PIEZO2: variants seen among roughly 807,000 people sequenced by gnomAD.
The protein encoded by PIEZO2 is piezo type mechanosensitive ion channel component 2.
A neutral mutation model predicts 337.3 loss-of-function variants in PIEZO2; 172 were observed. The observed-to-expected ratio is 0.51, with a 90% CI of 0.45 to 0.58. The LOEUF is 0.58. Ranked by LOEUF, PIEZO2 falls within the 20% of genes least tolerant of loss-of-function variation. PIEZO2 has a pLI of 0.00. For missense variants in PIEZO2, 3,028 were observed against 3,391.3 expected (o/e 0.89, Z 2.66); for synonymous variants, 1,251 against 1,228.5 (o/e 1.02, Z -0.38).
chr18:10,848,001 T>C (rs979988936), intron 7 of PIEZO2, among the ~76,000 whole-genome samples: 2 of 152,240 alleles, frequency 1.3e-5, no homozygotes, highest in Non-Finnish European at 2.9e-5. Flanking sequence ...TTTTGCCAAC[T>C]GGTCTCCATT....
At chr18:10,889,719 T>C (rs1054013119) in intron 4 of PIEZO2, among the ~76,000 whole-genome samples, 1 of 152,156 alleles carries the variant, frequency 6.6e-6, no homozygotes, top group Non-Finnish European at 1.5e-5. Context: ...CTTTACACAG[T>C]GGATGACAGA....
At chr18:10,738,453 G>A (rs887825940) in intron 33 of PIEZO2, 1 of 152,116 alleles carries the variant, frequency 6.6e-6, no homozygotes, top group Non-Finnish European at 1.5e-5. Flanking sequence ...ATATTTATGT[G>A]AGCTAGTGGA....
In PIEZO2 at chr18:10,731,529, G is replaced by A; in HGVS notation, c.4915-8C>T. 6.7e-7 allele frequency: 1 copy of A among 1,488,386 alleles called. No homozygotes were observed. 92.2% of individuals were successfully genotyped at this position (1,488,386 alleles called of 1,614,324 possible). On this transcript the variant is annotated splice_region_variant and splice_polypyrimidine_tract_variant and intron_variant, in intron 35 of 55. Transcript: ENST00000674853. ...CCAGGCTTGATAAACAAACTGAAGGGAGAAAGTTCAATTATTTTCTGGCCT... is the reference window on the plus strand; with the variant it reads ...CCAGGCTTGATAAACAAACTGAAGGAAGAAAGTTCAATTATTTTCTGGCCT...
rs893656874 is a variant in PIEZO2, at chr18:10,872,012, G to A, written c.330-597C>T. Among the ~76,000 whole-genome samples, 1 of 152,148 alleles carries A rather than the reference G, an allele frequency of 6.6e-6. No homozygotes were observed. Among genetic ancestry groups the A allele is most frequent in the Non-Finnish European group, 1.5e-5 (1 of 68,018 alleles). Reference sequence around the variant, plus strand: ...TGAAACTTAGTAGTTGCATCCTGCTGGGGGCTTCTCACAGCCATCTGTTCT... The same window carrying A: ...TGAAACTTAGTAGTTGCATCCTGCTAGGGGCTTCTCACAGCCATCTGTTCT... On this transcript the variant is annotated intron_variant, in intron 4 of 55. Coordinates refer to ENST00000674853, the MANE Select transcript of PIEZO2 (RefSeq NM_001378183.1). The surrounding 1 kb of genome is among the most constrained non-coding windows in gnomAD (Gnocchi z 4.3).
intron 2 of PIEZO2, among the ~76,000 whole-genome samples, chr18:11,060,204 A>T (rs1338384440): frequency 6.6e-6 from 1 of 152,212 alleles, no homozygotes; most frequent in African/African-American, 2.4e-5. Context: ...GTTCTTTGAA[A>T]CCAACGAGAA....
chr18:10,969,974 A>T lies in PIEZO2; in HGVS notation c.286+9561T>A, dbSNP rs2034168765. Among the ~76,000 whole-genome samples, 2 of 151,924 alleles carry T rather than the reference A, an allele frequency of 1.3e-5. No homozygotes were observed. On this transcript the variant is annotated intron_variant, in intron 3 of 55. Coordinates refer to ENST00000674853, the MANE Select transcript of PIEZO2 (RefSeq NM_001378183.1). This position sits in a 1 kb window ranked among gnomAD's most constrained non-coding sequence, Gnocchi z 4.5. ...ATTGTTGGGCAGTATGCTATACATC[A>T]GCCACTGTGGTCAGTGCTCAGGTTA...
At chr18:10,694,464 CAG>C (rs1275657377) in intron 47 of PIEZO2, among the ~76,000 whole-genome samples, 3 of 152,144 alleles carry the variant, frequency 2.0e-5, no homozygotes, top group Non-Finnish European at 4.4e-5. Flanking sequence ...ACAAATGACT[CAG>C]AGGTGTGATC....
At chr18:11,014,177 T>C (rs1243895191) in intron 2 of PIEZO2, among the ~76,000 whole-genome samples, 1 of 152,008 alleles carries the variant, frequency 6.6e-6, no homozygotes, top group Non-Finnish European at 1.5e-5. Flanking sequence ...CATTCCTTAG[T>C]GGCGGGCACG....
chr18:11,096,567 A>G lies in PIEZO2; in HGVS notation c.65-30345T>C, dbSNP rs1053347168. On this transcript the variant is annotated intron_variant, in intron 1 of 55. Coordinates refer to ENST00000674853, the MANE Select transcript of PIEZO2 (RefSeq NM_001378183.1). This position sits in a 1 kb window ranked among gnomAD's most constrained non-coding sequence, Gnocchi z 4.6. ...CCATTCCCAGTTCTTTTCTGCAGGG[A>G]TTTCCAAGAGAAACAGGAAGTGGTT... Among the ~76,000 whole-genome samples, 2 of 152,088 alleles carry G rather than the reference A, an allele frequency of 1.3e-5. No individual in the cohort carries two copies. Among genetic ancestry groups the G allele is most frequent in the Non-Finnish European group, 2.9e-5 (2 of 68,028 alleles).
At chr18:10,915,755 G>C (rs1044174914) in intron 3 of PIEZO2, among the ~76,000 whole-genome samples, 15 of 152,102 alleles carry the variant, frequency 9.9e-5, no homozygotes, top group African/African-American at 3.1e-4. Flanking sequence ...CCATTGGATC[G>C]TCTCATCTTG....
In PIEZO2 at chr18:10,791,469, G is replaced by C. The variant is rs1042039193; in HGVS notation, c.1759-145C>G. On this transcript the variant is annotated intron_variant, in intron 13 of 55. Coordinates refer to ENST00000674853, the MANE Select transcript of PIEZO2 (RefSeq NM_001378183.1). ...GGAGACAGAGTCAGGTCACCTGCTT[G>C]ACTTCAGCTGAGATTCACTGCTTTT... is the stretch of plus-strand genomic sequence containing the variant. The C allele has an allele frequency of 6.9e-6, 6 of 864,196 alleles. No individual in the cohort carries two copies. In the Admixed American group the frequency reaches 1.2e-4, roughly 18 times the overall value. 53.5% of individuals were successfully genotyped at this position (864,196 alleles called of 1,614,324 possible). A position where few individuals can be genotyped will look rare whatever the true frequency, so the allele number is the denominator to read the frequency against.
At chr18:11,114,105 T>C (rs1043840624) in intron 1 of PIEZO2, among the ~76,000 whole-genome samples, 8 of 152,220 alleles carry the variant, frequency 5.3e-5, no homozygotes, top group Admixed American at 4.6e-4. Context: ...TTATAATAAG[T>C]CATTACACTA....
rs1241241514 is a variant in PIEZO2, at chr18:10,783,553, G to A, written c.2492+1231C>T. Reference sequence around the variant, plus strand: ...TCCTAATGCTTGATCATCACTGAAGGTAGCAGGAGTACAGATATGGAGATG... The same window carrying A: ...TCCTAATGCTTGATCATCACTGAAGATAGCAGGAGTACAGATATGGAGATG... On this transcript the variant is annotated intron_variant, in intron 17 of 55. Coordinates refer to ENST00000674853, the MANE Select transcript of PIEZO2 (RefSeq NM_001378183.1). This position sits in a 1 kb window ranked among gnomAD's most constrained non-coding sequence, Gnocchi z 4.3. 2.6e-5 allele frequency among the ~76,000 whole-genome samples: 4 copies of A among 152,108 alleles called. No individual in the cohort carries two copies. The highest frequency in any genetic ancestry group is 5.9e-5 in the Non-Finnish European group (4 of 68,014).
chr18:11,063,037 T>C (rs181693358), intron 2 of PIEZO2, among the ~76,000 whole-genome samples: 1 of 152,010 alleles, frequency 6.6e-6, no homozygotes, highest in Non-Finnish European at 1.5e-5. Flanking sequence ...TAGACTGGAT[T>C]AAGAAAATGT....
intron 3 of PIEZO2, among the ~76,000 whole-genome samples, chr18:10,978,819 A>G (rs557146791): frequency 3.3e-5 from 5 of 152,346 alleles, no homozygotes; most frequent in South Asian, 2.1e-4. Flanking sequence ...AACTGAAAAC[A>G]TATGAATTGC....
Position 11,142,778 on chromosome 18 carries a change from CAA to C in PIEZO2, c.64+5745_64+5746del, listed in dbSNP as rs11290889. ...CCTAGGCATCAGAGTGAGATTATCGCAAAAAAAAAAAAAAAAAGGACCGGGCA... is the reference window on the plus strand; with the variant it reads ...CCTAGGCATCAGAGTGAGATTATCGCAAAAAAAAAAAAAAAGGACCGGGCA... On this transcript the variant is annotated intron_variant, in intron 1 of 55. Coordinates refer to ENST00000674853, the MANE Select transcript of PIEZO2 (RefSeq NM_001378183.1). Among the ~76,000 whole-genome samples, 184 of 116,116 alleles carry C rather than the reference CAA, an allele frequency of 1.6e-3. 1 individual carries two copies. Among genetic ancestry groups the C allele is most frequent in the South Asian group, 0.011 (34 of 3,210 alleles). The allele number at this position is 116,116 out of a possible 152,430, so 76.2% of individuals were successfully genotyped here.
At chr18:10,814,069 G>A (rs887946310) in intron 7 of PIEZO2, among the ~76,000 whole-genome samples, 3 of 151,610 alleles carry the variant, frequency 2.0e-5, no homozygotes, top group Middle Eastern at 3.4e-3. Flanking sequence ...CCTGGTTCAT[G>A]CCATCCTCCT....
chr18:10,794,593 G>A lies in PIEZO2; in HGVS notation c.1758+179C>T, dbSNP rs1164360235. On this transcript the variant is annotated intron_variant, in intron 13 of 55. Coordinates refer to ENST00000674853, the MANE Select transcript of PIEZO2 (RefSeq NM_001378183.1). The surrounding 1 kb of genome is among the most constrained non-coding windows in gnomAD (Gnocchi z 6.6). ...AAATCATGGTGTAATATATGTTCAT[G>A]TTTAAATTATAGAGGCCTCTAAGCA... 6.6e-6 allele frequency among the ~76,000 whole-genome samples: 1 copy of A among 152,146 alleles called. No individual in the cohort carries two copies. The highest frequency in any genetic ancestry group is 2.4e-5 in the African/African-American group (1 of 41,440).
chr18:10,757,095 G>A (rs2037898805), intron 27 of PIEZO2, among the ~76,000 whole-genome samples: 1 of 143,034 alleles, frequency 7.0e-6, no homozygotes, highest in Non-Finnish European at 1.5e-5. Flanking sequence ...GAGGAATGGA[G>A]GATGGGGAGG....
Sources: gnomAD v4.1 joint callset for allele counts (sites outside exome capture counted in the v4.1 genomes callset) on GRCh38, gnomAD v4.1.1 for gene constraint, Gnocchi (gnomAD v3.1) non-coding constraint, MANE v1.5 for transcripts, NCBI Gene and HGNC (gene_info 2026-07-23, HGNC 2026-07-21) for gene names.